LNX1: variants seen among roughly 807,000 people sequenced by gnomAD.
The protein encoded by LNX1 is ligand of numb-protein X 1, also known as E3 ubiquitin-protein ligase LNX.
A neutral mutation model predicts 68.4 loss-of-function variants in LNX1; 54 were observed. That is an observed-to-expected ratio of 0.79 (90% CI 0.63 to 0.99). LNX1 has a LOEUF of 0.99. LNX1 is among the 50% of genes least tolerant of loss of function. The pLI is 0.00. For synonymous variants in LNX1, 336 were observed against 350.0 expected (o/e 0.96, Z 0.45); for missense variants, 906 against 926.4 (o/e 0.98, Z 0.29).
intron 6 of LNX1, among the ~76,000 whole-genome samples, chr4:53,485,997 G>A (rs56921221): frequency 0.11 from 16,970 of 152,172 alleles, 1,085 homozygotes; most frequent in East Asian, 0.16. Flanking sequence ...TGGGCAAAAG[G>A]ATGGTTTAAC....
rs751877942 is a variant in LNX1, at chr4:53,507,357, G to A, written c.735C>T (p.Asp245=). The A allele has an allele frequency of 4.3e-6, 7 of 1,614,012 alleles. No individual in the cohort carries two copies. Among genetic ancestry groups the A allele is most frequent in the Non-Finnish European group, 5.1e-6 (6 of 1,180,024 alleles). Residue 245 remains aspartate (D), a synonymous_variant, in exon 4 of 11, where the codon GAC becomes GAT. Coordinates refer to ENST00000263925, the MANE Select transcript of LNX1 (RefSeq NM_001126328.3). The part of the protein sequence containing the change: ...KSGSAVANHA[D]QGRENSENTT... Reference sequence around the variant, plus strand: ...TGTTTTCAGAATTTTCCCTGCCCTGGTCGGCATGGTTGGCAACTGCACTCC... The same window carrying A: ...TGTTTTCAGAATTTTCCCTGCCCTGATCGGCATGGTTGGCAACTGCACTCC...
At chr4:53,583,932 AAAC>A (rs57272023) in intron 1 of LNX1, among the ~76,000 whole-genome samples, 7,880 of 149,812 alleles carry the variant, frequency 0.053, 306 homozygotes, top group African/African-American at 0.11. Context: ...GACCCCCTGC[AAAC>A]AACAACAACA....
chr4:53,499,661 C>A (rs1285498064), intron 4 of LNX1, among the ~76,000 whole-genome samples: 1 of 152,166 alleles, frequency 6.6e-6, no homozygotes, highest in African/African-American at 2.4e-5. Context: ...AAAACAGAAC[C>A]AATTTGCCAC....
chr4:53,529,708 T>G (rs1383628240), intron 2 of LNX1, among the ~76,000 whole-genome samples: 14 of 152,058 alleles, frequency 9.2e-5, no homozygotes, highest in African/African-American at 2.7e-4. Flanking sequence ...ACCACCATAG[T>G]AGGACAGAGC....
intron 4 of LNX1, among the ~76,000 whole-genome samples, chr4:53,499,295 A>T (rs1255498188): frequency 6.6e-6 from 1 of 152,138 alleles, no homozygotes; most frequent in African/African-American, 2.4e-5. Context: ...AGTAGCTAAG[A>T]CTACAGGCAC....
intron 1 of LNX1, among the ~76,000 whole-genome samples, chr4:53,585,971 T>C (rs1372496313): frequency 2.6e-5 from 4 of 152,162 alleles, no homozygotes; most frequent in African/African-American, 9.7e-5. Context: ...CTATAGGGCT[T>C]AGAAATAGGG....
At chr4:53,526,109 G>GAA (rs3067039) in intron 2 of LNX1, among the ~76,000 whole-genome samples, 145,383 of 151,962 alleles carry the variant, frequency 0.96, 69,895 homozygotes, top group Middle Eastern at 1. Context: ...TTCTAGAAAA[G>GAA]AAAAAATATT....
chr4:53,652,016 TGTGTGAGAGAGA>T (rs756229675), intron 1 of LNX1, among the ~76,000 whole-genome samples: 10 of 116,004 alleles, frequency 8.6e-5, no homozygotes, highest in Non-Finnish European at 1.3e-4. Flanking sequence ...TTGATGTGTG[TGTGTGAGAGAGA>T]GAGAGAGAGA....
chr4:53,591,157 T>C (rs1417577772), intron 1 of LNX1, among the ~76,000 whole-genome samples: 1 of 152,198 alleles, frequency 6.6e-6, no homozygotes, highest in Non-Finnish European at 1.5e-5. Context: ...GCTGGATTAA[T>C]GATCAGAGAA....
At position 53,507,310 on chromosome 4, in the gene LNX1, C is replaced by A; in HGVS notation, c.775+7G>T. ...TGTCCATCCAGCCTTATGGGGAGTTCATTTACCTTCAGGGGCAGTGGTGTT... is the reference window on the plus strand; with the variant it reads ...TGTCCATCCAGCCTTATGGGGAGTTAATTTACCTTCAGGGGCAGTGGTGTT... On this transcript the variant is annotated splice_region_variant and intron_variant, in intron 4 of 10. Transcript: ENST00000263925. 6.2e-7 allele frequency: 1 copy of A among 1,613,432 alleles called. No homozygotes were observed. Among genetic ancestry groups the A allele is most frequent in the Non-Finnish European group, 8.5e-7 (1 of 1,179,716 alleles).
At chr4:53,508,871 G>A (rs1726117885) in intron 2 of LNX1, among the ~76,000 whole-genome samples, 1 of 152,124 alleles carries the variant, frequency 6.6e-6, no homozygotes, top group Non-Finnish European at 1.5e-5. Flanking sequence ...CTACCATTAA[G>A]AGAGTAAAAC....
chr4:53,464,137 A>G (rs1722454795), intron 9 of LNX1, among the ~76,000 whole-genome samples: 1 of 152,156 alleles, frequency 6.6e-6, no homozygotes, highest in Non-Finnish European at 1.5e-5. Context: ...AATTGAATCT[A>G]TAGAAAACCG....
At chr4:53,461,390 A>T (rs1313783647) in intron 10 of LNX1, 45 bp downstream of exon 10, 13 of 1,480,306 alleles carry the variant, frequency 8.8e-6, no homozygotes, top group Non-Finnish European at 1.2e-5. Context: ...GGCATTTATG[A>T]AACAACATTT....
intron 2 of LNX1, among the ~76,000 whole-genome samples, chr4:53,560,055 T>A (rs945538424): frequency 2.6e-5 from 4 of 152,202 alleles, no homozygotes; most frequent in Non-Finnish European, 4.4e-5. Context: ...TTCTTATCCC[T>A]TCTTTCCTCC....
chr4:53,637,007 A>G (rs1352863097), intron 1 of LNX1, among the ~76,000 whole-genome samples: 1 of 151,398 alleles, frequency 6.6e-6, no homozygotes, highest in Non-Finnish European at 1.5e-5. Context: ...CACAGATGGA[A>G]GAATCTTGGG....
At chr4:53,589,982 T>C (rs866961333) in intron 1 of LNX1, among the ~76,000 whole-genome samples, 6 of 152,178 alleles carry the variant, frequency 3.9e-5, no homozygotes, top group South Asian at 2.1e-4. Context: ...CCAGAGGCAA[T>C]GTAATCTTGA....
chr4:53,459,648 A>T lies in LNX1; in HGVS notation c.*1259T>A. ...CTTTGTCTTGTACTATTTCAAAAAT[A>T]AAAAGACAGCAATGACTTTATATCC... On this transcript the variant is annotated 3_prime_UTR_variant, in exon 11 of 11. Coordinates refer to ENST00000263925, the MANE Select transcript of LNX1 (RefSeq NM_001126328.3). The T allele has an allele frequency of 1.4e-6, 1 of 692,700 alleles. No homozygotes were observed. The highest frequency in any genetic ancestry group is 2.4e-6 in the Non-Finnish European group (1 of 417,570). 42.9% of individuals were successfully genotyped at this position (692,700 alleles called of 1,614,324 possible).
At chr4:53,605,575 A>C (rs1733195741) in intron 2 of LNX1, among the ~76,000 whole-genome samples, 1 of 152,150 alleles carries the variant, frequency 6.6e-6, no homozygotes, top group Admixed American at 6.5e-5. Context: ...TCCTTGGCCT[A>C]CATAACCCTG....
At chr4:53,615,990 T>G (rs1400089061) in intron 2 of LNX1, among the ~76,000 whole-genome samples, 8 of 125,106 alleles carry the variant, frequency 6.4e-5, no homozygotes, top group Non-Finnish European at 1.1e-4. Context: ...AAATAGCAGG[T>G]CTTACTAATT....
Sources: gnomAD v4.1 joint callset for allele counts (sites outside exome capture counted in the v4.1 genomes callset) on GRCh38, gnomAD v4.1.1 for gene constraint, MANE v1.5 for transcripts, NCBI Gene and HGNC (gene_info 2026-07-23, HGNC 2026-07-21) for gene names.